LPP: variants seen among roughly 807,000 people sequenced by gnomAD.
The protein encoded by LPP is LIM domain containing preferred translocation partner in lipoma.
LPP carries 38 observed loss-of-function variants against 60.4 expected under a neutral mutation model. The observed-to-expected ratio is 0.63, with a 90% CI of 0.49 to 0.83. The LOEUF (loss-of-function observed/expected upper bound fraction) is 0.83, where lower values mean the gene tolerates loss of function less well. LPP is among the 40% of genes least tolerant of loss of function. The probability of loss-of-function intolerance (pLI) is 0.00; values close to 1 mark genes in which losing one functional copy is unlikely to be tolerated. For synonymous variants in LPP, 328 were observed against 290.8 expected (o/e 1.13, Z -1.30); for missense variants, 902 against 783.6 (o/e 1.15, Z -1.80).
intron 4 of LPP, among the ~76,000 whole-genome samples, chr3:188,446,804 G>T (rs1242123933): frequency 6.6e-6 from 1 of 152,162 alleles, no homozygotes; most frequent in African/African-American, 2.4e-5. Flanking sequence ...TGTTTTCATG[G>T]CTTTCTTTTG....
At chr3:188,571,099 A>C (rs1833437658) in intron 6 of LPP, among the ~76,000 whole-genome samples, 1 of 152,094 alleles carries the variant, frequency 6.6e-6, no homozygotes, top group Admixed American at 6.6e-5. Flanking sequence ...CTAAAGAAAA[A>C]AAAATCAATC....
chr3:188,596,092 A>G (rs888585936), intron 6 of LPP, among the ~76,000 whole-genome samples: 4 of 152,152 alleles, frequency 2.6e-5, no homozygotes, highest in African/African-American at 9.7e-5. Context: ...GATTTGGCAC[A>G]GGGGAGTGAA....
intron 4 of LPP, among the ~76,000 whole-genome samples, chr3:188,415,499 CT>C (rs779216842): frequency 2.0e-3 from 297 of 145,858 alleles, no homozygotes; most frequent in East Asian, 4.6e-3. Context: ...TTCATAGCAA[CT>C]TTTTTTTTTT....
At chr3:188,375,191 G>A (rs1774623516) in intron 3 of LPP, among the ~76,000 whole-genome samples, 1 of 152,134 alleles carries the variant, frequency 6.6e-6, no homozygotes, top group African/African-American at 2.4e-5. Context: ...GTCTCTGCCA[G>A]GCTTTGGTAT....
At chr3:188,567,760 C>T (rs1832542363) in intron 6 of LPP, among the ~76,000 whole-genome samples, 1 of 151,974 alleles carries the variant, frequency 6.6e-6, no homozygotes, top group Admixed American at 6.6e-5. Context: ...TAATGACTTA[C>T]ATCAAACCAA....
intron 7 of LPP, among the ~76,000 whole-genome samples, chr3:188,696,899 T>A (rs1450618607): frequency 1.3e-5 from 2 of 152,226 alleles, no homozygotes; most frequent in African/African-American, 4.8e-5. Flanking sequence ...TTAATTACTA[T>A]TATTTGTGGA....
intron 7 of LPP, among the ~76,000 whole-genome samples, chr3:188,707,357 G>T (rs1388036748): frequency 6.6e-6 from 1 of 152,036 alleles, no homozygotes; most frequent in African/African-American, 2.4e-5. Context: ...GGGGATGAGG[G>T]ATAAAAGACT....
chr3:188,302,949 G>A lies in LPP; in HGVS notation c.-66-38714G>A, dbSNP rs923232504. ...TTTGGCATAATTAAGAATGGAGATG[G>A]GGGTGGATAAAAGAGGTTCTGCCAA... is the stretch of plus-strand genomic sequence containing the variant. On this transcript the variant is annotated intron_variant, in intron 2 of 11. Transcript: ENST00000617246. 2.0e-5 allele frequency among the ~76,000 whole-genome samples: 3 copies of A among 152,100 alleles called. No homozygotes were observed. The South Asian group carries it at 6.2e-4, about 32-fold the overall frequency.
At chr3:188,336,621 G>GCTGTTACTT (rs1344849678) in intron 2 of LPP, among the ~76,000 whole-genome samples, 1 of 152,182 alleles carries the variant, frequency 6.6e-6, no homozygotes, top group Non-Finnish European at 1.5e-5. Context: ...GCAACATACA[G>GCTGTTACTT]CTGTTACTTG....
intron 2 of LPP, among the ~76,000 whole-genome samples, chr3:188,241,728 G>A (rs1046080877): frequency 8.6e-5 from 13 of 151,970 alleles, no homozygotes; most frequent in South Asian, 2.1e-4. Context: ...TCAGAGAGTC[G>A]TTGACTTTGT....
intron 3 of LPP, among the ~76,000 whole-genome samples, chr3:188,353,072 A>G (rs1020287375): frequency 6.6e-6 from 1 of 152,206 alleles, no homozygotes; most frequent in African/African-American, 2.4e-5. Context: ...AACTTCCACA[A>G]GAGCCGTTCA....
intron 2 of LPP, among the ~76,000 whole-genome samples, chr3:188,329,795 A>G (rs1759484736): frequency 6.6e-6 from 1 of 152,158 alleles, no homozygotes; most frequent in African/African-American, 2.4e-5. Flanking sequence ...GGTACAGTTG[A>G]CTGTTCATTT....
At chr3:188,608,202 C>T (rs1842902692) in intron 6 of LPP, among the ~76,000 whole-genome samples, 1 of 152,148 alleles carries the variant, frequency 6.6e-6, no homozygotes, top group Admixed American at 6.5e-5. Context: ...TCCACTTCCC[C>T]TTTTGTTTAA....
rs1553878868 is a variant in LPP at position 188,878,772 on chromosome 3, A to AAAAG, written c.*4305_*4308dup. The AAAAG allele has an allele frequency of 1.5e-5, 3 of 204,862 alleles. No individual in the cohort carries two copies. The highest frequency in any genetic ancestry group is 1.9e-4 in the South Asian group (1 of 5,270). 12.7% of individuals were successfully genotyped at this position (204,862 alleles called of 1,614,324 possible). A position where few individuals can be genotyped will look rare whatever the true frequency, so the allele number is the denominator to read the frequency against. On this transcript the variant is annotated 3_prime_UTR_variant, in exon 12 of 12. Transcript: ENST00000617246. ...AAAGTAAAAAAGTAAAAAAAAAAAA[A>AAAAG]AAAGAAAGAAAGAAAAGAAAGAGAG...
At chr3:188,765,924 G>A (rs551893755) in intron 9 of LPP, among the ~76,000 whole-genome samples, 72 of 139,924 alleles carry the variant, frequency 5.1e-4, no homozygotes, top group African/African-American at 1.9e-3. Context: ...AGGCTGGAGT[G>A]CAGTGGTATG....
intron 9 of LPP, among the ~76,000 whole-genome samples, chr3:188,858,376 C>T (rs1764330177): frequency 6.6e-6 from 1 of 152,136 alleles, no homozygotes; most frequent in African/African-American, 2.4e-5. Context: ...AGAACACATT[C>T]AAAAGAAGTG....
chr3:188,552,632 A>G (rs2150541971), intron 6 of LPP, among the ~76,000 whole-genome samples: 1 of 152,180 alleles, frequency 6.6e-6, no homozygotes. Context: ...CAGCTTCTAG[A>G]GGCTGCCCAT....
At chr3:188,272,790 A>G (rs1738254686) in intron 2 of LPP, among the ~76,000 whole-genome samples, 1 of 152,240 alleles carries the variant, frequency 6.6e-6, no homozygotes, top group Non-Finnish European at 1.5e-5. Context: ...AGAAAACCAC[A>G]GGAAAGACCA....
In LPP at chr3:188,566,889, G is replaced by A. The variant is rs570116486; in HGVS notation, c.429+42102G>A. Among the ~76,000 whole-genome samples the A allele has an allele frequency of 2.0e-4, 30 of 151,906 alleles. No homozygotes were observed. The South Asian group carries it at 5.8e-3, about 29-fold the overall frequency. On this transcript the variant is annotated intron_variant, in intron 6 of 11. Coordinates refer to ENST00000617246, the MANE Select transcript of LPP (RefSeq NM_001375462.1). ...TCCAGAATAGTTACAGTATCTTTAT[G>A]CATACAGAAAACAGATAAATGAAAG...
Sources: allele counts gnomAD v4.1 joint callset (sites outside exome capture counted in the v4.1 genomes callset), GRCh38; gene constraint gnomAD v4.1.1; transcripts MANE v1.5; gene names NCBI Gene and HGNC (gene_info 2026-07-23, HGNC 2026-07-21).